NFATC2: variants seen among roughly 807,000 people sequenced by gnomAD.
The protein encoded by NFATC2 is nuclear factor of activated T cells 2.
NFATC2 carries 22 observed loss-of-function variants against 87.3 expected under a neutral mutation model. That is an observed-to-expected ratio of 0.25 (90% CI 0.18 to 0.36). The LOEUF (loss-of-function observed/expected upper bound fraction) is 0.36. Among genes scored for constraint, NFATC2 ranks in the 10% least tolerant of loss-of-function variants. The pLI is 1.00. For synonymous variants in NFATC2, 565 were observed against 542.2 expected, an observed-to-expected ratio of 1.04 and a Z score of -0.58; for missense variants, 1,149 against 1,259.1, an observed-to-expected ratio of 0.91 and a Z score of 1.32.
intron 7 of NFATC2, 74 bp downstream of exon 7, chr20:51,435,632 G>T (rs1983446512): frequency 1.4e-6 from 2 of 1,479,794 alleles, no homozygotes; most frequent in East Asian, 4.7e-5. Context: ...AAGGAAGGAG[G>T]GAAAGAAGGA....
chr20:51,422,221 C>T (rs543687634), intron 9 of NFATC2, among the ~76,000 whole-genome samples: 9 of 152,290 alleles, frequency 5.9e-5, no homozygotes, highest in African/African-American at 1.9e-4. Flanking sequence ...GTGCTCAAGG[C>T]TCATCATAAA....
chr20:51,536,822 G>A (rs1190979288), intron 1 of NFATC2, among the ~76,000 whole-genome samples: 3 of 152,112 alleles, frequency 2.0e-5, no homozygotes. Flanking sequence ...CAACACAGAA[G>A]GCAATGTCTC....
chr20:51,528,337 GA>G lies in NFATC2; in HGVS notation c.131-4228del, dbSNP rs2076579161. Among the ~76,000 whole-genome samples the G allele has an allele frequency of 2.0e-5, 3 of 152,154 alleles. No individual in the cohort carries two copies. In the South Asian group the frequency reaches 6.2e-4, roughly 32 times the overall value. ...ATGACCACTGAGATTTAGTATTAGA[GA>G]AAAGCAAGCTGTATAGTGTGCACAG... On this transcript the variant is annotated intron_variant, in intron 1 of 10. Transcript: ENST00000371564.
chr20:51,497,879 G>T (rs1012704597), intron 3 of NFATC2, among the ~76,000 whole-genome samples: 2 of 152,072 alleles, frequency 1.3e-5, no homozygotes, highest in African/African-American at 4.8e-5. Context: ...TACACGCAAA[G>T]CTGCAGCCCC....
chr20:51,493,915 G>A (rs189634097), intron 3 of NFATC2, among the ~76,000 whole-genome samples: 50 of 152,268 alleles, frequency 3.3e-4, no homozygotes, highest in Non-Finnish European at 6.0e-4. Context: ...TTGGGGCTGC[G>A]GAAAGCTGGC....
intron 2 of NFATC2, among the ~76,000 whole-genome samples, chr20:51,522,204 A>T (rs1297585074): frequency 6.6e-6 from 1 of 151,802 alleles, no homozygotes; most frequent in Non-Finnish European, 1.5e-5. Context: ...TCCATTTTTT[A>T]AAAAAACACA....
chr20:51,420,759 T>C (rs1980772882), intron 9 of NFATC2, among the ~76,000 whole-genome samples: 1 of 152,120 alleles, frequency 6.6e-6, no homozygotes, highest in African/African-American at 2.4e-5. Flanking sequence ...CAACCGGAAG[T>C]TTAAACACTA....
At chr20:51,561,376 GAAAAGAAA>G (rs1272153092) in intron 1 of NFATC2, among the ~76,000 whole-genome samples, 14 of 129,870 alleles carry the variant, frequency 1.1e-4, no homozygotes, top group African/African-American at 4.1e-4. Context: ...GAAAGAGAGA[GAAAAGAAA>G]GAAAGAAAGA....
chr20:51,554,882 C>T (rs747462500), intron 1 of NFATC2, among the ~76,000 whole-genome samples: 7 of 152,104 alleles, frequency 4.6e-5, no homozygotes, highest in African/African-American at 1.2e-4. Context: ...GAGGAGCTGA[C>T]GAGGGGAATC....
chr20:51,418,015 T>C (rs1164449759), intron 9 of NFATC2, among the ~76,000 whole-genome samples: 2 of 152,176 alleles, frequency 1.3e-5, no homozygotes, highest in African/African-American at 4.8e-5. Context: ...CAAGGAAGAA[T>C]GAAGGCTCTG....
intron 10 of NFATC2, among the ~76,000 whole-genome samples, chr20:51,398,004 T>C (rs1444958982): frequency 6.6e-6 from 1 of 152,186 alleles, no homozygotes; most frequent in African/African-American, 2.4e-5. Context: ...CAGGCTCCTC[T>C]GTGGAGGCCC....
intron 6 of NFATC2, among the ~76,000 whole-genome samples, chr20:51,438,521 C>CTGGAACTCAGAGGAG (rs1983894324): frequency 2.6e-5 from 4 of 151,420 alleles, no homozygotes; most frequent in Admixed American, 1.3e-4. Context: ...GAAATGTGGT[C>CTGGAACTCAGAGGAG]AGGAAGTATT....
intron 3 of NFATC2, among the ~76,000 whole-genome samples, chr20:51,487,921 G>C (rs1989852015): frequency 6.6e-6 from 1 of 152,126 alleles, no homozygotes; most frequent in Non-Finnish European, 1.5e-5. Flanking sequence ...AGGGCTCTCT[G>C]CATAACTCTT....
At chr20:51,401,176 C>T (rs2146239907) in intron 9 of NFATC2, among the ~76,000 whole-genome samples, 1 of 152,174 alleles carries the variant, frequency 6.6e-6, no homozygotes, top group South Asian at 2.1e-4. Context: ...TTAAGACCAG[C>T]CCGGCCAATA....
In NFATC2 at chr20:51,474,144, C is replaced by A; in HGVS notation, c.1544G>T (p.Cys515Phe). Residue 515 changes from cysteine to phenylalanine, a missense_variant, in exon 5 of 11, where the codon TGT (cysteine) becomes TTT (phenylalanine). Physicochemically the swap from Cys to Phe is radical, Grantham distance 205. Coordinates refer to ENST00000371564, the MANE Select transcript of NFATC2 (RefSeq NM_012340.5). The part of the protein sequence containing the change: ...PKNNMRATID[C>F]AGILKLRNAD... ...GTTTCTAAGCTTCAAGATCCCCGCACAGTCGATGCTGCCAGGATGTTAAGA... is the reference window on the plus strand; with the variant it reads ...GTTTCTAAGCTTCAAGATCCCCGCAAAGTCGATGCTGCCAGGATGTTAAGA... The A allele has an allele frequency of 6.2e-7, 1 of 1,614,174 alleles. No homozygotes were observed. The highest frequency in any genetic ancestry group is 8.5e-7 in the Non-Finnish European group (1 of 1,180,014).
At chr20:51,521,272 C>T (rs557925326) in intron 2 of NFATC2, among the ~76,000 whole-genome samples, 1 of 152,360 alleles carries the variant, frequency 6.6e-6, no homozygotes, top group Non-Finnish European at 1.5e-5. Context: ...CCCTCAACCC[C>T]ACACCAATCA....
At chr20:51,493,376 C>T (rs1235164685) in intron 3 of NFATC2, among the ~76,000 whole-genome samples, 2 of 149,612 alleles carry the variant, frequency 1.3e-5, no homozygotes, top group Non-Finnish European at 2.9e-5. Flanking sequence ...TCTCATGGGG[C>T]TGTTATGGGC....
At position 51,391,381 on chromosome 20, in the gene NFATC2, C is replaced by T. The variant is rs775368914; in HGVS notation, c.*115G>A. The T allele has an allele frequency of 5.3e-6, 8 of 1,497,432 alleles. No individual in the cohort carries two copies. The highest frequency in any genetic ancestry group is 6.3e-6 in the Non-Finnish European group (7 of 1,107,214). 92.8% of individuals were successfully genotyped at this position (1,497,432 alleles called of 1,614,324 possible). A position where few individuals can be genotyped will look rare whatever the true frequency, so the allele number is the denominator to read the frequency against. On this transcript the variant is annotated 3_prime_UTR_variant, in exon 11 of 11. Transcript: ENST00000371564. ...GGGGTCAGATACAGAAGGTGTCTTG[C>T]TATAATGGCTTCTTTTACGTCTGAT... is the stretch of plus-strand genomic sequence containing the variant.
chr20:51,521,244 G>A (rs760145962), intron 2 of NFATC2, among the ~76,000 whole-genome samples: 13 of 152,228 alleles, frequency 8.5e-5, no homozygotes, highest in South Asian at 2.1e-4. Flanking sequence ...AAGGCCCAGC[G>A]GGCAGGGCCC....
Sources: allele counts gnomAD v4.1 joint callset (sites outside exome capture counted in the v4.1 genomes callset), GRCh38; gene constraint gnomAD v4.1.1; transcripts MANE v1.5; gene names NCBI Gene and HGNC (gene_info 2026-07-23, HGNC 2026-07-21).